COG5: variants seen among roughly 807,000 people sequenced by gnomAD.
The protein encoded by COG5 is component of oligomeric golgi complex 5.
In COG5, 86 loss-of-function variants were observed where a neutral mutation model predicts 110.4. The ratio of observed to expected loss-of-function variants is 0.78; its 90% CI spans 0.65 to 0.93. The LOEUF (loss-of-function observed/expected upper bound fraction) is 0.93, where lower values mean the gene tolerates loss of function less well. Ranked by LOEUF, COG5 falls within the 40% of genes least tolerant of loss-of-function variation. The pLI is 0.00. For missense variants in COG5, 1,077 were observed against 987.0 expected (o/e 1.09, Z -1.22); for synonymous variants, 360 against 334.6 (o/e 1.08, Z -0.83).
At chr7:107,502,500 T>C (rs1016853636) in intron 6 of COG5, among the ~76,000 whole-genome samples, 5 of 152,162 alleles carry the variant, frequency 3.3e-5, no homozygotes, top group African/African-American at 1.2e-4. Flanking sequence ...ACGTGTCTTT[T>C]TCATATAATG....
chr7:107,563,660 G>A (rs1279964907), intron 1 of COG5, 143 bp downstream of exon 1: 2 of 905,378 alleles, frequency 2.2e-6, no homozygotes, highest in Non-Finnish European at 3.6e-6. Flanking sequence ...CAGTACCCAA[G>A]CCAGGGGGCC....
At chr7:107,257,435 A>G (rs1584582472) in intron 15 of COG5, among the ~76,000 whole-genome samples, 1 of 152,106 alleles carries the variant, frequency 6.6e-6, no homozygotes, top group African/African-American at 2.4e-5. Flanking sequence ...CTAATTGATA[A>G]AAGGACTTGT....
intron 6 of COG5, among the ~76,000 whole-genome samples, chr7:107,491,589 T>C (rs1291571485): frequency 1.3e-5 from 2 of 152,184 alleles, no homozygotes; most frequent in Non-Finnish European, 2.9e-5. Context: ...AAGGAACTTT[T>C]TCTTTTCCAA....
chr7:107,240,901 G>A (rs1009058591), intron 17 of COG5, among the ~76,000 whole-genome samples: 2 of 152,166 alleles, frequency 1.3e-5, no homozygotes, highest in African/African-American at 4.8e-5. Flanking sequence ...TCAACTGACT[G>A]CTGTATACAT....
chr7:107,252,404 T>C (rs79085675), intron 16 of COG5, among the ~76,000 whole-genome samples: 3,018 of 152,276 alleles, frequency 0.02, 103 homozygotes, highest in African/African-American at 0.067. Context: ...TGTGTAGTTA[T>C]AAGCCTTTCC....
Position 107,480,159 on chromosome 7 carries a change from T to C in COG5, c.538+47078A>G, listed in dbSNP as rs560289205. The stretch of plus-strand genomic sequence containing the variant: ...TTCAAACTGTATTTCAAAATCATGT[T>C]AGAAAATTCACATTTTCAGTTTCAA... On this transcript the variant is annotated intron_variant, in intron 6 of 21. Transcript: ENST00000297135. Among the ~76,000 whole-genome samples the C allele has an allele frequency of 8.5e-5, 13 of 152,298 alleles. No individual in the cohort carries two copies. In the South Asian group the frequency reaches 2.7e-3, roughly 32 times the overall value.
intron 14 of COG5, among the ~76,000 whole-genome samples, chr7:107,272,673 C>A (rs1804375226): frequency 6.6e-6 from 1 of 152,100 alleles, no homozygotes; most frequent in Non-Finnish European, 1.5e-5. Context: ...AACCCATTCC[C>A]ATTGCTAGAT....
In COG5 at chr7:107,298,264, T is replaced by C. The variant is rs758096164; in HGVS notation, c.1191A>G (p.Gln397=). The C allele has an allele frequency of 2.5e-5, 41 of 1,613,466 alleles. No individual in the cohort carries two copies. The highest frequency in any genetic ancestry group is 3.3e-5 in the Admixed American group (2 of 60,002). Residue 397 remains glutamine, a synonymous_variant, in exon 12 of 22, where the codon CAA becomes CAG. Coordinates refer to ENST00000297135, the MANE Select transcript of COG5 (RefSeq NM_006348.5). ...TCCCTTGGATATGCTGACTGTATTG[T>C]TGAAGACGCTTCCATAAGTCATTAT... is the stretch of plus-strand genomic sequence containing the variant. The part of the protein sequence containing the change: ...RLYNDLWKRL[Q]QYSQHIQGNF...
intron 7 of COG5, among the ~76,000 whole-genome samples, chr7:107,391,737 T>G (rs1315762716): frequency 1.3e-5 from 2 of 152,298 alleles, no homozygotes; most frequent in East Asian, 1.9e-4. Flanking sequence ...GCATCCCAAG[T>G]GACATATACA....
At chr7:107,410,746 G>C (rs1200104223) in intron 7 of COG5, among the ~76,000 whole-genome samples, 1 of 152,014 alleles carries the variant, frequency 6.6e-6, no homozygotes, top group Non-Finnish European at 1.5e-5. Flanking sequence ...CCGGCCAACA[G>C]ATTGATGTTT....
At chr7:107,510,833 T>G (rs536632440) in intron 6 of COG5, among the ~76,000 whole-genome samples, 1 of 152,262 alleles carries the variant, frequency 6.6e-6, no homozygotes, top group South Asian at 2.1e-4. Context: ...ATAAAGATGT[T>G]CTCTGAAACC....
intron 17 of COG5, among the ~76,000 whole-genome samples, chr7:107,241,239 T>C (rs1258036901): frequency 2.6e-5 from 4 of 152,098 alleles, no homozygotes; most frequent in Non-Finnish European, 5.9e-5. Context: ...TGAGAGGCAT[T>C]CATGATTGAT....
At position 107,203,264 on chromosome 7, in the gene COG5, T is replaced by C. The variant is rs776776780; in HGVS notation, c.*252A>G. The C allele has an allele frequency of 4.3e-5, 22 of 508,276 alleles. No homozygotes were observed. Among genetic ancestry groups the C allele is most frequent in the Non-Finnish European group, 6.7e-5 (19 of 281,910 alleles). The allele number at this position is 508,276 out of a possible 1,614,324, so 31.5% of individuals were successfully genotyped here. A position where few individuals can be genotyped will look rare whatever the true frequency, so the allele number is the denominator to read the frequency against. ...ATGGATGGGAAAGACATTTTAGCCT[T>C]GTACAAAAATCTGAAAGAGGAAAAC... is the stretch of plus-strand genomic sequence containing the variant. On this transcript the variant is annotated 3_prime_UTR_variant, in exon 22 of 22. Coordinates refer to ENST00000297135, the MANE Select transcript of COG5 (RefSeq NM_006348.5).
In COG5 at chr7:107,258,216, A is replaced by T. The variant is rs1039637522; in HGVS notation, c.1686+57T>A. The T allele has an allele frequency of 3.8e-6, 4 of 1,043,386 alleles. No individual in the cohort carries two copies. The African/African-American group carries it at 6.4e-5, about 17-fold the overall frequency. 64.6% of individuals were successfully genotyped at this position (1,043,386 alleles called of 1,614,324 possible). On this transcript the variant is annotated intron_variant, in intron 15 of 21. Coordinates refer to ENST00000297135, the MANE Select transcript of COG5 (RefSeq NM_006348.5). The stretch of plus-strand genomic sequence containing the variant: ...TAAATAACAATTTGTAAACTGTCCA[A>T]ATTTGAGGCAAGAAGAATTTAAAAT...
At position 107,288,907 on chromosome 7, in the gene COG5, G is replaced by GATAT. The variant is rs60313728; in HGVS notation, c.1314-5179_1314-5176dup. On this transcript the variant is annotated intron_variant, in intron 12 of 21. Coordinates refer to ENST00000297135, the MANE Select transcript of COG5 (RefSeq NM_006348.5). ...ATTTGCCCCTATGTTTTCTAACAGA[G>GATAT]ATATATATATATATATATATATATA... Among the ~76,000 whole-genome samples, 340 of 93,952 alleles carry GATAT rather than the reference G, an allele frequency of 3.6e-3. 2 individuals carry two copies. The highest frequency in any genetic ancestry group is 6.8e-3 in the Middle Eastern group (1 of 146). 61.6% of individuals were successfully genotyped at this position (93,952 alleles called of 152,430 possible).
intron 6 of COG5, among the ~76,000 whole-genome samples, chr7:107,476,183 T>TAACAAAAAAAAAAAA (rs1563056700): frequency 1.2e-5 from 1 of 86,514 alleles, no homozygotes; most frequent in Non-Finnish European, 2.2e-5. Context: ...TGCAATGATT[T>TAACAAAAAAAAAAAA]TAAAAAAAAA....
chr7:107,531,710 C>G (rs527667101), intron 5 of COG5, among the ~76,000 whole-genome samples: 1 of 142,390 alleles, frequency 7.0e-6, no homozygotes, highest in Non-Finnish European at 1.5e-5. Flanking sequence ...TTGATTTAAA[C>G]ATAATAAGGG....
At chr7:107,427,986 G>C (rs1172382692) in intron 6 of COG5, among the ~76,000 whole-genome samples, 3 of 152,104 alleles carry the variant, frequency 2.0e-5, no homozygotes, top group African/African-American at 7.2e-5. Flanking sequence ...AGAATGGGAA[G>C]TGCGTGCTGA....
chr7:107,210,603 C>T lies in COG5; in HGVS notation c.2298G>A (p.Arg766=). 1 of 1,599,374 alleles carries T rather than the reference C, an allele frequency of 6.3e-7. No individual in the cohort carries two copies. Among genetic ancestry groups the T allele is most frequent in the South Asian group, 1.1e-5 (1 of 88,174 alleles). ...APAELKSPFQ[R]AEWSHTRFSQ... ...AGAAGCGTGTGTGGGACCACTCTGC[C>T]CTCTGCAGGGTTGAAACACAATTAG... The change falls in exon 21 of 22, where the codon AGG becomes AGA. Residue 766 remains arginine (R), a splice_region_variant and synonymous_variant. Transcript: ENST00000297135.
Sources: allele counts gnomAD v4.1 joint callset (sites outside exome capture counted in the v4.1 genomes callset), GRCh38; gene constraint gnomAD v4.1.1; transcripts MANE v1.5; gene names NCBI Gene and HGNC (gene_info 2026-07-23, HGNC 2026-07-21).